LIMCH1: variants seen among roughly 807,000 people sequenced by gnomAD.
The protein encoded by LIMCH1 is LIM and calponin homology domains 1.
LIMCH1 carries 113 observed loss-of-function variants against 176.5 expected under a neutral mutation model. The ratio of observed to expected loss-of-function variants is 0.64; its 90% confidence interval spans 0.55 to 0.75. LIMCH1 has a LOEUF of 0.75. LIMCH1 is among the 30% of genes least tolerant of loss of function. The pLI is 0.00. For synonymous variants in LIMCH1, 619 were observed against 645.9 expected (o/e 0.96, Z 0.63); for missense variants, 1,674 against 1,814.9 (o/e 0.92, Z 1.41).
chr4:41,485,536 A>G (rs922569988), intron 1 of LIMCH1, among the ~76,000 whole-genome samples: 2 of 152,218 alleles, frequency 1.3e-5, no homozygotes, highest in East Asian at 3.8e-4. Flanking sequence ...TGCCACCGTA[A>G]GTACTTCTGA....
chr4:41,396,519 G>T (rs2057815158), intron 1 of LIMCH1, among the ~76,000 whole-genome samples: 1 of 151,068 alleles, frequency 6.6e-6, no homozygotes, highest in South Asian at 2.1e-4. Flanking sequence ...TATTGTGCGG[G>T]TTTTTTTTTG....
intron 6 of LIMCH1, chr4:41,620,095 T>C (rs1402885620): frequency 2.0e-5 from 5 of 252,958 alleles, no homozygotes; most frequent in Non-Finnish European, 3.8e-5. Flanking sequence ...ACTTGTCTAA[T>C]AGTCCATCTG....
At chr4:41,429,292 T>TA (rs750616017) in intron 1 of LIMCH1, among the ~76,000 whole-genome samples, 3 of 152,224 alleles carry the variant, frequency 2.0e-5, no homozygotes, top group Non-Finnish European at 4.4e-5. Context: ...TTCTTTTTCT[T>TA]ATTTGTGCTT....
At chr4:41,475,532 G>A (rs566106813) in intron 1 of LIMCH1, among the ~76,000 whole-genome samples, 1 of 152,274 alleles carries the variant, frequency 6.6e-6, no homozygotes, top group African/African-American at 2.4e-5. Context: ...CACAGAAGCT[G>A]GCAAATGCTG....
intron 19 of LIMCH1, 114 bp downstream of exon 19, chr4:41,661,624 A>G (rs1434058872): frequency 2.6e-6 from 2 of 779,452 alleles, no homozygotes; most frequent in African/African-American, 1.8e-5. Flanking sequence ...ATTAGACTCC[A>G]GGAGTGGTGC....
intron 1 of LIMCH1, among the ~76,000 whole-genome samples, chr4:41,546,345 G>T (rs1308963993): frequency 1.3e-5 from 2 of 151,732 alleles, no homozygotes; most frequent in African/African-American, 4.8e-5. Context: ...CACCATGTTG[G>T]CCAGGCTGGT....
At chr4:41,512,142 C>G (rs141772009) in intron 2 of LIMCH1, among the ~76,000 whole-genome samples, 1 of 152,178 alleles carries the variant, frequency 6.6e-6, no homozygotes, top group Non-Finnish European at 1.5e-5. Context: ...CTAGTAAGTA[C>G]ATAAAAAAGA....
At chr4:41,591,315 C>G (rs1296385361) in intron 1 of LIMCH1, among the ~76,000 whole-genome samples, 1 of 152,096 alleles carries the variant, frequency 6.6e-6, no homozygotes, top group Non-Finnish European at 1.5e-5. Flanking sequence ...GATCATAGCT[C>G]ACTGCAGCCT....
At chr4:41,488,282 T>C (rs1035973963) in intron 1 of LIMCH1, among the ~76,000 whole-genome samples, 3 of 152,214 alleles carry the variant, frequency 2.0e-5, no homozygotes, top group Admixed American at 2.0e-4. Flanking sequence ...TTAGTGATGT[T>C]TCCAAAATGT....
At position 41,513,661 on chromosome 4, in the gene LIMCH1, TGTG is replaced by T. The variant is rs2075208114; in HGVS notation, c.168-10745_168-10743del. ...GCCTGTCCGATGATCCTTTCCCTGG[TGTG>T]GTTGCTTGAATCCAACTTTAGTCTT... On this transcript the variant is annotated intron_variant, in intron 2 of 26. Transcript: ENST00000313860. Among the ~76,000 whole-genome samples, 12 of 152,236 alleles carry T rather than the reference TGTG, an allele frequency of 7.9e-5. No individual in the cohort carries two copies. The South Asian group carries it at 2.5e-3, about 32-fold the overall frequency.
At chr4:41,626,008 C>A (rs2092926339) in intron 7 of LIMCH1, among the ~76,000 whole-genome samples, 2 of 151,730 alleles carry the variant, frequency 1.3e-5, no homozygotes, top group Admixed American at 1.3e-4. Context: ...CAGAACAAGA[C>A]CCTGTCTCTT....
chr4:41,484,362 C>T (rs927351297), intron 1 of LIMCH1, among the ~76,000 whole-genome samples: 4 of 152,234 alleles, frequency 2.6e-5, no homozygotes, highest in East Asian at 1.9e-4. Context: ...GGTAAATGAT[C>T]GATTGGTTGA....
chr4:41,464,195 T>C (rs1420051045), intron 1 of LIMCH1, among the ~76,000 whole-genome samples: 1 of 151,370 alleles, frequency 6.6e-6, no homozygotes, highest in Non-Finnish European at 1.5e-5. Flanking sequence ...TTCTCTGAGC[T>C]CCTGCTCCAG....
chr4:41,372,366 T>C (rs902837469), intron 1 of LIMCH1, among the ~76,000 whole-genome samples: 1 of 152,224 alleles, frequency 6.6e-6, no homozygotes, highest in Non-Finnish European at 1.5e-5. Flanking sequence ...CCACAAGCCC[T>C]GTTATTTTTA....
chr4:41,555,304 T>G (rs1273943810), intron 1 of LIMCH1, among the ~76,000 whole-genome samples: 1 of 152,210 alleles, frequency 6.6e-6, no homozygotes, highest in African/African-American at 2.4e-5. Flanking sequence ...TGAAGGATTT[T>G]AGGCAAAAGA....
chr4:41,560,728 A>T (rs751596935), intron 1 of LIMCH1, among the ~76,000 whole-genome samples: 3 of 152,042 alleles, frequency 2.0e-5, no homozygotes, highest in Admixed American at 6.5e-5. Context: ...TCTACAAAAA[A>T]AATAAATCGG....
chr4:41,622,157 C>A (rs28488866), intron 7 of LIMCH1, among the ~76,000 whole-genome samples: 6,058 of 151,928 alleles, frequency 0.04, 399 homozygotes, highest in African/African-American at 0.14. Context: ...TTTTTTAAAA[C>A]TCCAGATTTT....
intron 1 of LIMCH1, among the ~76,000 whole-genome samples, chr4:41,373,810 A>G (rs573172661): frequency 2.6e-5 from 4 of 152,190 alleles, no homozygotes; most frequent in East Asian, 1.9e-4. Flanking sequence ...GTAATCCCCA[A>G]TGTTGGAGGA....
chr4:41,488,647 G>GT (rs2070163530), intron 1 of LIMCH1, among the ~76,000 whole-genome samples: 2 of 152,078 alleles, frequency 1.3e-5, no homozygotes, highest in Admixed American at 1.3e-4. Context: ...GTAACAAAAA[G>GT]TCTTGTTTGA....
Sources: gnomAD v4.1 joint callset for allele counts (sites outside exome capture counted in the v4.1 genomes callset) on GRCh38, gnomAD v4.1.1 for gene constraint, MANE v1.5 for transcripts, NCBI Gene and HGNC (gene_info 2026-07-23, HGNC 2026-07-21) for gene names.